Variants in NPHP4 observed in about 807,000 individuals in gnomAD.
The protein encoded by NPHP4 is nephrocystin 4.
NPHP4 carries 151 observed loss-of-function variants against 155.8 expected under a neutral mutation model. The ratio of observed to expected loss-of-function variants is 0.97; its 90% CI spans 0.85 to 1.11. The LOEUF (loss-of-function observed/expected upper bound fraction) is 1.11, where lower values mean the gene tolerates loss of function less well. Among genes scored for constraint, NPHP4 ranks in the 50% least tolerant of loss-of-function variants. The pLI, the probability that NPHP4 is intolerant of heterozygous loss-of-function variation, is 0.00. For missense variants in NPHP4, 1,956 were observed against 1,925.7 expected, an observed-to-expected ratio of 1.02 and a Z score of -0.29; for synonymous variants, 845 against 816.8, an observed-to-expected ratio of 1.03 and a Z score of -0.59.
At chr1:5,989,073 G>A (rs2102479059) in intron 1 of NPHP4, among the ~76,000 whole-genome samples, 1 of 152,254 alleles carries the variant, frequency 6.6e-6, no homozygotes, top group East Asian at 1.9e-4. Flanking sequence ...ATTCCAGCCA[G>A]AGACTGCAGT....
chr1:5,948,329 G>T, intron 7 of NPHP4, 78 bp from the exon 8 acceptor site: 1 of 1,106,666 alleles, frequency 9.0e-7, no homozygotes, highest in Non-Finnish European at 1.3e-6. Context: ...GGGGAGGCGA[G>T]CAGAGAGAAG....
At chr1:5,966,421 A>AT (rs1314116143) in intron 5 of NPHP4, among the ~76,000 whole-genome samples, 1 of 151,806 alleles carries the variant, frequency 6.6e-6, no homozygotes, top group African/African-American at 2.4e-5. Flanking sequence ...AAATTTTTGT[A>AT]TTTTTTATAG....
At chr1:5,991,529 T>C (rs2102498887) in intron 1 of NPHP4, 1 of 152,318 alleles carries the variant, frequency 6.6e-6, no homozygotes, top group African/African-American at 2.4e-5. Context: ...TCCTAAGAAG[T>C]TAGACACGAG....
In NPHP4 at chr1:5,880,244, A is replaced by G; in HGVS notation, c.2486-5T>C. On this transcript the variant is annotated splice_region_variant and splice_polypyrimidine_tract_variant and intron_variant, in intron 18 of 29. Coordinates refer to ENST00000378156, the MANE Select transcript of NPHP4 (RefSeq NM_015102.5). ...CTTTCTGTTCACACGGGTGACCTAC[A>G]TGAAAAACATCCCAACATAAGACAT... 1.7e-5 allele frequency: 27 copies of G among 1,613,286 alleles called. No individual in the cohort carries two copies. The highest frequency in any genetic ancestry group is 2.2e-5 in the Non-Finnish European group (26 of 1,179,532).
chr1:5,962,721 T>C (rs1650573939), intron 5 of NPHP4, among the ~76,000 whole-genome samples: 1 of 151,658 alleles, frequency 6.6e-6, no homozygotes, highest in Non-Finnish European at 1.5e-5. Flanking sequence ...AGGGGGAACG[T>C]GAGGAGGAAA....
intron 19 of NPHP4, among the ~76,000 whole-genome samples, chr1:5,878,616 C>A (rs1642868520): frequency 6.6e-6 from 1 of 152,214 alleles, no homozygotes; most frequent in South Asian, 2.1e-4. Context: ...AGCCTTGCCT[C>A]ATGGGTGAGA....
At chr1:5,883,361 C>T (rs1643482473) in intron 18 of NPHP4, among the ~76,000 whole-genome samples, 1 of 152,222 alleles carries the variant, frequency 6.6e-6, no homozygotes. Context: ...GAAAGTGCCA[C>T]CGATGTTCAC....
chr1:5,931,733 C>CAAA (rs60217132), intron 10 of NPHP4, among the ~76,000 whole-genome samples: 7 of 79,326 alleles, frequency 8.8e-5, no homozygotes, highest in East Asian at 4.7e-4. Context: ...GACTTCATCT[C>CAAA]AAAAAAAAAA....
chr1:5,865,807 C>T (rs1570047571), intron 26 of NPHP4: 2 of 164,286 alleles, frequency 1.2e-5, no homozygotes, highest in Non-Finnish European at 2.7e-5. Flanking sequence ...GACGTGGTCA[C>T]GTGGCCCCTC....
intron 9 of NPHP4, among the ~76,000 whole-genome samples, chr1:5,946,034 A>G (rs1361366007): frequency 6.6e-6 from 1 of 152,116 alleles, no homozygotes; most frequent in African/African-American, 2.4e-5. Flanking sequence ...TAATTGTTCT[A>G]TTTTATTGTT....
chr1:5,936,786 G>A (rs940677978), intron 9 of NPHP4, among the ~76,000 whole-genome samples: 1 of 152,172 alleles, frequency 6.6e-6, no homozygotes, highest in Non-Finnish European at 1.5e-5. Context: ...GGCTCAATGT[G>A]TCCTCCAAAA....
At chr1:5,986,759 AC>A (rs1041409186) in intron 1 of NPHP4, among the ~76,000 whole-genome samples, 1 of 150,920 alleles carries the variant, frequency 6.6e-6, no homozygotes, top group African/African-American at 2.4e-5. Context: ...CCCCACCCCT[AC>A]CCCCGTGGGC....
Position 5,889,261 on chromosome 1 carries a change from G to A in NPHP4, c.2304+1607C>T, listed in dbSNP as rs376313374. Among the ~76,000 whole-genome samples, 5 of 152,290 alleles carry A rather than the reference G, an allele frequency of 3.3e-5. No homozygotes were observed. The highest frequency in any genetic ancestry group is 1.9e-4 in the East Asian group (1 of 5,186). On this transcript the variant is annotated intron_variant, in intron 17 of 29. Transcript: ENST00000378156. This position sits in a 1 kb window ranked among gnomAD's most constrained non-coding sequence, Gnocchi z 4.2. ...CTCAAACAAGATGAAAGCTGGCCCC[G>A]CCTGCAGAAAGTAAGTCCACCAAAG...
intron 6 of NPHP4, among the ~76,000 whole-genome samples, chr1:5,954,246 T>G (rs1031128499): frequency 1.3e-5 from 2 of 152,220 alleles, no homozygotes; most frequent in Admixed American, 6.5e-5. Flanking sequence ...GAATGTTCAC[T>G]AAACTATTAT....
chr1:5,938,552 G>C (rs900467136), intron 9 of NPHP4, among the ~76,000 whole-genome samples: 14 of 152,168 alleles, frequency 9.2e-5, no homozygotes, highest in Non-Finnish European at 1.8e-4. Context: ...AGACATTCCT[G>C]GGGGAAAGGA....
chr1:5,870,862 C>A (rs1459566838), intron 23 of NPHP4, among the ~76,000 whole-genome samples: 1 of 152,238 alleles, frequency 6.6e-6, no homozygotes, highest in East Asian at 1.9e-4. Context: ...TTCACAACAG[C>A]TGCAGCCACG....
In NPHP4 at chr1:5,927,704, G is replaced by C; in HGVS notation, c.1386C>G (p.Val462=). The C allele has an allele frequency of 6.2e-7, 1 of 1,613,504 alleles. No homozygotes were observed. The highest frequency in any genetic ancestry group is 8.5e-7 in the Non-Finnish European group (1 of 1,179,510). The change falls in exon 11 of 30, where the codon GTC becomes GTG. Residue 462 remains valine, a synonymous_variant. Transcript: ENST00000378156. ...EEHLDAPTEP[V]SGPKVERRPS... is the part of the protein sequence containing the mutation. Reference sequence around the variant, plus strand: ...GCCGCCGCTCCACTTTGGGGCCACTGACAGGCTCCGTGGGTGCATCCAGGT... The same window carrying C: ...GCCGCCGCTCCACTTTGGGGCCACTCACAGGCTCCGTGGGTGCATCCAGGT...
At chr1:5,949,120 T>G (rs931799527) in intron 7 of NPHP4, among the ~76,000 whole-genome samples, 1 of 152,136 alleles carries the variant, frequency 6.6e-6, no homozygotes, top group African/African-American at 2.4e-5. Context: ...AATAAAGTGA[T>G]TTTTATGGGA....
chr1:5,868,616 GCA>G (rs746432719), intron 23 of NPHP4, among the ~76,000 whole-genome samples: 5 of 144,602 alleles, frequency 3.5e-5, no homozygotes, highest in South Asian at 2.2e-4. Context: ...AGGCACACGT[GCA>G]CACACATGCA....
Sources: gnomAD v4.1 joint callset for allele counts (sites outside exome capture counted in the v4.1 genomes callset) on GRCh38, gnomAD v4.1.1 for gene constraint, Gnocchi (gnomAD v3.1) non-coding constraint, MANE v1.5 for transcripts, NCBI Gene and HGNC (gene_info 2026-07-23, HGNC 2026-07-21) for gene names.